WWOX: variants seen among roughly 807,000 people sequenced by gnomAD.
WWOX encodes the protein WW domain-containing oxidoreductase.
A neutral mutation model predicts 46.2 loss-of-function variants in WWOX; 69 were observed. The observed-to-expected ratio is 1.49, with a 90% CI of 1.23 to 1.82. WWOX has a LOEUF of 1.82. WWOX is among the 40% of genes most tolerant of loss of function. The pLI is 0.00. For missense variants in WWOX, 919 were observed against 542.6 expected (o/e 1.69, Z -6.89); for synonymous variants, 359 against 202.6 (o/e 1.77, Z -6.56).
At chr16:78,448,806 C>G (rs2083620197) in intron 8 of WWOX, among the ~76,000 whole-genome samples, 1 of 152,104 alleles carries the variant, frequency 6.6e-6, no homozygotes, top group African/African-American at 2.4e-5. Context: ...CCTTTTTATC[C>G]TTTTATGGCT....
chr16:78,646,602 C>G (rs185448064), intron 8 of WWOX, among the ~76,000 whole-genome samples: 68 of 152,100 alleles, frequency 4.5e-4, no homozygotes, highest in African/African-American at 1.6e-3. Context: ...TAATTTTTGT[C>G]TTTTTAGTAG....
At chr16:78,849,208 C>G (rs1171931027) in intron 8 of WWOX, among the ~76,000 whole-genome samples, 2 of 152,192 alleles carry the variant, frequency 1.3e-5, no homozygotes, top group East Asian at 3.9e-4. Flanking sequence ...TCTGGGAGCA[C>G]TCACCTTTGG....
chr16:78,763,525 A>G (rs893913131), intron 8 of WWOX, among the ~76,000 whole-genome samples: 45 of 152,288 alleles, frequency 3.0e-4, no homozygotes, highest in African/African-American at 9.9e-4. Context: ...TTTTTTACAT[A>G]GAGTATGAAA....
intron 8 of WWOX, among the ~76,000 whole-genome samples, chr16:78,500,072 C>G (rs1339935102): frequency 6.6e-6 from 1 of 152,170 alleles, no homozygotes; most frequent in African/African-American, 2.4e-5. Context: ...AACAGCAAAG[C>G]AGACTAGCAT....
At chr16:79,007,509 G>C (rs960008014) in intron 8 of WWOX, among the ~76,000 whole-genome samples, 2 of 152,150 alleles carry the variant, frequency 1.3e-5, no homozygotes, top group East Asian at 3.9e-4. Flanking sequence ...GATGATGAAG[G>C]CCTTGTAGGG....
chr16:78,427,855 C>G (rs72797972), intron 7 of WWOX, among the ~76,000 whole-genome samples: 3,805 of 152,036 alleles, frequency 0.025, 63 homozygotes, highest in African/African-American at 0.043. Flanking sequence ...AATCCCAGCA[C>G]TCAAGAGTTC....
At chr16:78,476,005 G>T (rs1051271546) in intron 8 of WWOX, among the ~76,000 whole-genome samples, 1 of 152,026 alleles carries the variant, frequency 6.6e-6, no homozygotes. Context: ...CTCCAGCTCC[G>T]CCACCCCAAC....
intron 8 of WWOX, among the ~76,000 whole-genome samples, chr16:78,984,259 T>C (rs1380805412): frequency 6.6e-6 from 1 of 152,192 alleles, no homozygotes; most frequent in East Asian, 1.9e-4. Context: ...TTGCCAAGAC[T>C]GCTATATGGC....
At chr16:78,450,331 A>G (rs951827378) in intron 8 of WWOX, among the ~76,000 whole-genome samples, 2 of 152,200 alleles carry the variant, frequency 1.3e-5, no homozygotes, top group African/African-American at 4.8e-5. Context: ...TTAAGAAGCC[A>G]AAGTAATCCA....
chr16:78,751,385 C>A (rs1297601365), intron 8 of WWOX, among the ~76,000 whole-genome samples: 1 of 147,456 alleles, frequency 6.8e-6, no homozygotes, highest in Non-Finnish European at 1.5e-5. Flanking sequence ...ACACCTCTGT[C>A]CTGCAACATA....
intron 1 of WWOX, 110 bp downstream of exon 1, chr16:78,099,995 T>C: frequency 6.6e-7 from 1 of 1,507,902 alleles, no homozygotes; most frequent in Non-Finnish European, 8.8e-7. Context: ...CGGTGCAAAG[T>C]GAAAGTAACT....
intron 5 of WWOX, among the ~76,000 whole-genome samples, chr16:78,218,751 G>A (rs2036800497): frequency 6.6e-6 from 1 of 152,242 alleles, no homozygotes; most frequent in Non-Finnish European, 1.5e-5. Context: ...TCCCTGGCCA[G>A]TGTGCGCCGT....
At chr16:78,354,632 T>C (rs1475440139) in intron 5 of WWOX, among the ~76,000 whole-genome samples, 1 of 152,198 alleles carries the variant, frequency 6.6e-6, no homozygotes, top group Non-Finnish European at 1.5e-5. Flanking sequence ...TCTGAATTCC[T>C]TATTATATTT....
chr16:79,189,643 C>T (rs114793086), intron 8 of WWOX, among the ~76,000 whole-genome samples: 6 of 152,118 alleles, frequency 3.9e-5, no homozygotes, highest in South Asian at 4.2e-4. Context: ...CTAGTAATTT[C>T]TGTTCTAATC....
intron 8 of WWOX, among the ~76,000 whole-genome samples, chr16:78,504,396 A>G (rs1597178812): frequency 1.3e-5 from 2 of 152,318 alleles, no homozygotes; most frequent in East Asian, 3.9e-4. Flanking sequence ...ATGAACCAAC[A>G]TTTATAAGCA....
chr16:78,217,892 C>T (rs2036773987), intron 5 of WWOX, among the ~76,000 whole-genome samples: 1 of 152,156 alleles, frequency 6.6e-6, no homozygotes, highest in Non-Finnish European at 1.5e-5. Context: ...AAAGATCCTT[C>T]CAGACTTCAT....
intron 8 of WWOX, among the ~76,000 whole-genome samples, chr16:79,007,307 C>G (rs1486602937): frequency 1.3e-5 from 2 of 152,000 alleles, no homozygotes; most frequent in Non-Finnish European, 2.9e-5. Context: ...GGGGAGGGCC[C>G]CTGAGAAACT....
intron 8 of WWOX, among the ~76,000 whole-genome samples, chr16:78,529,478 A>G (rs1043614404): frequency 8.7e-5 from 13 of 149,884 alleles, no homozygotes; most frequent in African/African-American, 3.0e-4. Flanking sequence ...CGTTTTTTTT[A>G]TTTTTTGAGA....
intron 5 of WWOX, among the ~76,000 whole-genome samples, chr16:78,215,537 C>T (rs1279350396): frequency 5.3e-5 from 8 of 152,190 alleles, no homozygotes; most frequent in Non-Finnish European, 1.2e-4. Context: ...TGTAAGTTTC[C>T]TGAGGCCTCC....
Sources: gnomAD v4.1 joint callset for allele counts (sites outside exome capture counted in the v4.1 genomes callset) on GRCh38, gnomAD v4.1.1 for gene constraint, MANE v1.5 for transcripts, NCBI Gene and HGNC (gene_info 2026-07-23, HGNC 2026-07-21) for gene names.